The following ESR1 variants were observed in gnomAD, a reference collection of about 807,000 sequenced individuals.
The protein encoded by ESR1 is estrogen receptor.
ESR1 carries 12 observed loss-of-function variants against 52.7 expected under a neutral mutation model. That is an observed-to-expected ratio of 0.23 (90% CI 0.15 to 0.37). ESR1 has a LOEUF of 0.37. ESR1 is among the 10% of genes least tolerant of loss of function. The pLI is 1.00. For missense variants in ESR1, 584 were observed against 779.7 expected, an observed-to-expected ratio of 0.75 and a Z score of 2.99; for synonymous variants, 305 against 316.8, an observed-to-expected ratio of 0.96 and a Z score of 0.39.
At chr6:151,966,033 T>C (rs1562606398) in intron 4 of ESR1, among the ~76,000 whole-genome samples, 1 of 152,160 alleles carries the variant, frequency 6.6e-6, no homozygotes, top group Non-Finnish European at 1.5e-5. Flanking sequence ...ACCTCATCTT[T>C]CGTGGATTCC....
chr6:151,892,434 A>G (rs1794831919), intron 3 of ESR1, among the ~76,000 whole-genome samples: 1 of 152,196 alleles, frequency 6.6e-6, no homozygotes, highest in Non-Finnish European at 1.5e-5. Context: ...TGGAAAGTGA[A>G]TCTCTTCTGA....
At chr6:151,904,233 A>G (rs9340868) in intron 3 of ESR1, among the ~76,000 whole-genome samples, 60 of 152,358 alleles carry the variant, frequency 3.9e-4, no homozygotes, top group African/African-American at 1.3e-3. Flanking sequence ...CTATCATAAC[A>G]AATAAATAAA....
At chr6:151,865,753 T>C (rs1789785201) in intron 2 of ESR1, among the ~76,000 whole-genome samples, 1 of 152,184 alleles carries the variant, frequency 6.6e-6, no homozygotes, top group Admixed American at 6.6e-5. Context: ...CCTGTGGATG[T>C]TAAGTAGCAT....
At chr6:152,052,539 A>T (rs1294083425) in intron 5 of ESR1, among the ~76,000 whole-genome samples, 1 of 152,194 alleles carries the variant, frequency 6.6e-6, no homozygotes, top group Non-Finnish European at 1.5e-5. Flanking sequence ...AAAACATCAG[A>T]GTTGAGTAGC....
chr6:151,768,962 C>T (rs192222048), intron 2 of ESR1, among the ~76,000 whole-genome samples: 1 of 152,270 alleles, frequency 6.6e-6, no homozygotes, highest in East Asian at 1.9e-4. Context: ...ATATAACTTC[C>T]TGGGCTATGT....
chr6:151,817,715 CACAA>C (rs1457891694), intron 1 of ESR1, among the ~76,000 whole-genome samples: 1 of 152,188 alleles, frequency 6.6e-6, no homozygotes. Flanking sequence ...AAAACATGGA[CACAA>C]ACACACACCT....
chr6:151,827,848 G>A (rs546253772), intron 1 of ESR1, among the ~76,000 whole-genome samples: 1 of 152,284 alleles, frequency 6.6e-6, no homozygotes, highest in East Asian at 1.9e-4. Flanking sequence ...CTATATGTAT[G>A]CACTTCAAAG....
At chr6:151,737,154 T>C (rs1376585257) in intron 2 of ESR1, among the ~76,000 whole-genome samples, 1 of 152,194 alleles carries the variant, frequency 6.6e-6, no homozygotes, top group African/African-American at 2.4e-5. Flanking sequence ...CTACATAATG[T>C]TCTATTTTAT....
intron 4 of ESR1, among the ~76,000 whole-genome samples, chr6:151,949,099 T>G (rs2036040878): frequency 1.3e-5 from 2 of 152,216 alleles, no homozygotes; most frequent in African/African-American, 4.8e-5. Flanking sequence ...CCTGCTGTTC[T>G]GATATCTCCC....
intron 3 of ESR1, among the ~76,000 whole-genome samples, chr6:151,889,033 A>G (rs1330546045): frequency 1.3e-5 from 2 of 152,160 alleles, no homozygotes; most frequent in African/African-American, 4.8e-5. Flanking sequence ...ATCATGGTGA[A>G]TGATTCTTTT....
At chr6:152,012,485 C>T (rs554594689) in intron 5 of ESR1, among the ~76,000 whole-genome samples, 88 of 152,128 alleles carry the variant, frequency 5.8e-4, no homozygotes, top group Non-Finnish European at 1.0e-3. Flanking sequence ...TAATCATCAC[C>T]GGACTCCTAG....
intron 5 of ESR1, among the ~76,000 whole-genome samples, chr6:152,019,520 C>T (rs2043445481): frequency 6.6e-6 from 1 of 152,202 alleles, no homozygotes; most frequent in Admixed American, 6.5e-5. Context: ...TGTAAAGTTA[C>T]TCCAGAGGGA....
At position 151,798,450 on chromosome 6, in the gene ESR1, T is replaced by C. The variant is rs534991083; in HGVS notation, c.-70-9393T>C. On this transcript the variant is annotated intron_variant, in intron 2 of 2. Transcript: ENST00000404742. ...AGAATTTGTGGAATTATTGTTTCCT[T>C]CTGGATTTATGGTACAAAAACCTAC... Among the ~76,000 whole-genome samples the C allele has an allele frequency of 6.6e-5, 10 of 152,358 alleles. No individual in the cohort carries two copies. The South Asian group carries it at 1.7e-3, about 25-fold the overall frequency.
At chr6:151,902,379 C>T (rs1034727668) in intron 3 of ESR1, among the ~76,000 whole-genome samples, 9 of 152,208 alleles carry the variant, frequency 5.9e-5, no homozygotes, top group East Asian at 3.9e-4. Flanking sequence ...AAGTTAAAGT[C>T]GTACCCATCC....
chr6:152,122,523 C>T (rs760376988), intron 6 of ESR1: 1 of 1,614,186 alleles, frequency 6.2e-7, no homozygotes, highest in Non-Finnish European at 8.5e-7. Context: ...TGTAGTCTTC[C>T]TCTGACATTG....
intron 5 of ESR1, among the ~76,000 whole-genome samples, chr6:152,020,310 CA>C (rs1242282444): frequency 1.3e-5 from 2 of 152,180 alleles, no homozygotes; most frequent in East Asian, 1.9e-4. Context: ...TTTGAGCTGG[CA>C]GGGGGAAAGC....
chr6:151,905,933 C>T (rs561981026), intron 3 of ESR1, among the ~76,000 whole-genome samples: 1 of 152,234 alleles, frequency 6.6e-6, no homozygotes, highest in East Asian at 1.9e-4. Context: ...ACATGAAACC[C>T]ACTTATGCCT....
chr6:151,832,126 T>C (rs1300431880), intron 1 of ESR1, among the ~76,000 whole-genome samples: 2 of 152,232 alleles, frequency 1.3e-5, no homozygotes, highest in African/African-American at 4.8e-5. Flanking sequence ...GATAGATGTA[T>C]TAAGTTTTCA....
At chr6:151,839,422 A>G (rs1783920112) in intron 1 of ESR1, among the ~76,000 whole-genome samples, 1 of 152,222 alleles carries the variant, frequency 6.6e-6, no homozygotes, top group Admixed American at 6.5e-5. Context: ...GCCACTGTGG[A>G]AAACACTGGT....
Sources: gnomAD v4.1 joint callset for allele counts (sites outside exome capture counted in the v4.1 genomes callset) on GRCh38, gnomAD v4.1.1 for gene constraint, MANE v1.5 for transcripts, NCBI Gene and HGNC (gene_info 2026-07-23, HGNC 2026-07-21) for gene names.